Variants in ADAMTS17 observed in about 807,000 individuals in gnomAD.
ADAMTS17 encodes A disintegrin and metalloproteinase with thrombospondin motifs 17.
Under a neutral mutation model 141.5 loss-of-function variants are expected in ADAMTS17, and 113 were observed. The observed-to-expected ratio is 0.80, with a 90% confidence interval of 0.69 to 0.93. ADAMTS17 has a LOEUF of 0.93. Ranked by LOEUF, ADAMTS17 falls within the 40% of genes least tolerant of loss-of-function variation. ADAMTS17 has a pLI of 0.00. For synonymous variants in ADAMTS17, 768 were observed against 630.6 expected (o/e 1.22, Z -3.27); for missense variants, 1,659 against 1,517.9 (o/e 1.09, Z -1.54).
chr15:100,162,510 GTA>G lies in ADAMTS17; in HGVS notation c.1182-7192_1182-7191del, dbSNP rs777577246. On this transcript the variant is annotated intron_variant, in intron 8 of 21. Coordinates refer to ENST00000268070, the MANE Select transcript of ADAMTS17 (RefSeq NM_139057.4). ...ATATGCACATATACACATTATATGT[GTA>G]TATATATGCACATATACACATTATA... Among the ~76,000 whole-genome samples, 94 of 100,386 alleles carry G rather than the reference GTA, an allele frequency of 9.4e-4. 3 individuals are homozygous for G. In the East Asian group the frequency reaches 0.024, roughly 26 times the overall value. 65.9% of individuals were successfully genotyped at this position (100,386 alleles called of 152,430 possible). A position where few individuals can be genotyped will look rare whatever the true frequency, so the allele number is the denominator to read the frequency against.
At chr15:100,057,361 G>T (rs2032668334) in intron 15 of ADAMTS17, among the ~76,000 whole-genome samples, 1 of 152,120 alleles carries the variant, frequency 6.6e-6, no homozygotes, top group Non-Finnish European at 1.5e-5. Context: ...GCTGTGTGCT[G>T]ACCACAGCCA....
intron 8 of ADAMTS17, among the ~76,000 whole-genome samples, chr15:100,182,101 T>TACAA (rs1044400287): frequency 6.6e-6 from 1 of 152,140 alleles, no homozygotes; most frequent in Non-Finnish European, 1.5e-5. Flanking sequence ...TTCACACTGC[T>TACAA]ACAAAGAAAT....
At chr15:100,091,498 C>A (rs1277769732) in intron 15 of ADAMTS17, among the ~76,000 whole-genome samples, 1 of 152,160 alleles carries the variant, frequency 6.6e-6, no homozygotes, top group South Asian at 2.1e-4. Flanking sequence ...GCCCTAAGGA[C>A]CAGCAGTAAG....
chr15:100,036,269 C>T (rs2030702491), intron 18 of ADAMTS17, among the ~76,000 whole-genome samples: 1 of 152,220 alleles, frequency 6.6e-6, no homozygotes, highest in Admixed American at 6.5e-5. Flanking sequence ...GGGCAACGGA[C>T]CACACTGGGC....
chr15:100,116,132 TAAAA>T (rs34003703), intron 13 of ADAMTS17, among the ~76,000 whole-genome samples: 17 of 84,776 alleles, frequency 2.0e-4, no homozygotes, highest in African/African-American at 3.3e-4. Flanking sequence ...CAGTTTTAGG[TAAAA>T]AAAAAAAAAA....
intron 8 of ADAMTS17, among the ~76,000 whole-genome samples, chr15:100,162,531 CATT>C (rs1420877332): frequency 2.5e-3 from 166 of 65,728 alleles, no homozygotes; most frequent in African/African-American, 9.8e-3. Context: ...CACATATACA[CATT>C]ATATGTGTAT....
At chr15:100,116,700 T>G in intron 13 of ADAMTS17, 147 bp downstream of exon 13, 1 of 1,082,086 alleles carries the variant, frequency 9.2e-7, no homozygotes, top group Non-Finnish European at 1.4e-6. Flanking sequence ...ACTTACAAAG[T>G]TGGGCCGCAG....
intron 18 of ADAMTS17, among the ~76,000 whole-genome samples, chr15:100,026,724 A>G (rs1222905966): frequency 6.6e-6 from 1 of 152,144 alleles, no homozygotes; most frequent in African/African-American, 2.4e-5. Flanking sequence ...AGTCCCTATT[A>G]AATGTTTCTT....
chr15:100,328,776 C>T (rs928218568), intron 3 of ADAMTS17, among the ~76,000 whole-genome samples: 5 of 152,276 alleles, frequency 3.3e-5, no homozygotes, highest in South Asian at 2.1e-4. Flanking sequence ...GGATGGAAGG[C>T]GGCCATTAGA....
intron 4 of ADAMTS17, among the ~76,000 whole-genome samples, chr15:100,273,558 G>C (rs7180077): frequency 0.17 from 26,024 of 151,982 alleles, 2,428 homozygotes; most frequent in East Asian, 0.35. Flanking sequence ...GTTTTCATTT[G>C]TGTTATTAGT....
At chr15:100,134,636 C>T (rs988713487) in intron 10 of ADAMTS17, among the ~76,000 whole-genome samples, 7 of 152,244 alleles carry the variant, frequency 4.6e-5, no homozygotes, top group Middle Eastern at 3.4e-3. Context: ...ATAGAAGAGA[C>T]GCACAACTGT....
In ADAMTS17 at chr15:100,341,789, G is replaced by A. The variant is rs189240104; in HGVS notation, c.79+32C>T. The A allele has an allele frequency of 2.2e-3, 3,352 of 1,544,808 alleles. 6 individuals are homozygous for A. The highest frequency in any genetic ancestry group is 2.6e-3 in the Non-Finnish European group (2,952 of 1,144,016). On this transcript the variant is annotated intron_variant, in intron 1 of 21. Coordinates refer to ENST00000268070, the MANE Select transcript of ADAMTS17 (RefSeq NM_139057.4). ...CAGAGGGAAGGTAGCCGCAGGACGC[G>A]GGGTGAAGAGGGCTGTGGGAGGGGG...
chr15:100,279,071 G>A (rs1395078555), intron 4 of ADAMTS17, among the ~76,000 whole-genome samples: 2 of 152,096 alleles, frequency 1.3e-5, no homozygotes, highest in African/African-American at 4.8e-5. Flanking sequence ...TGGGAACGGT[G>A]CATTGGGGGT....
intron 4 of ADAMTS17, among the ~76,000 whole-genome samples, chr15:100,276,004 AGGGT>A (rs2044068638): frequency 4.7e-5 from 1 of 21,114 alleles, no homozygotes. Context: ...CCTAAGTGGG[AGGGT>A]GGGAGGGAGT....
At chr15:100,286,127 C>T (rs1211944695) in intron 3 of ADAMTS17, among the ~76,000 whole-genome samples, 2 of 152,178 alleles carry the variant, frequency 1.3e-5, no homozygotes, top group Non-Finnish European at 2.9e-5. Context: ...CACAAGCAGC[C>T]TCTCCCACCA....
At chr15:100,263,081 C>T (rs1206611140) in intron 4 of ADAMTS17, among the ~76,000 whole-genome samples, 1 of 152,032 alleles carries the variant, frequency 6.6e-6, no homozygotes, top group Admixed American at 6.6e-5. Context: ...ACCACGCATA[C>T]GAAAGGTGGT....
chr15:100,185,616 C>G (rs111858641), intron 8 of ADAMTS17, among the ~76,000 whole-genome samples: 1,937 of 152,268 alleles, frequency 0.013, 44 homozygotes, highest in African/African-American at 0.043. Context: ...TGTTAAGAAC[C>G]CTCTTCCACT....
Position 100,261,760 on chromosome 15 carries a change from G to T in ADAMTS17, c.874-124C>A, listed in dbSNP as rs6598316. On this transcript the variant is annotated intron_variant, in intron 5 of 21. Transcript: ENST00000268070. Reference sequence around the variant, plus strand: ...ACTGAGACATCATTTGATGACTCACGGCCCTCGAAGAAAAGCCTGATGCTA... The same window carrying T: ...ACTGAGACATCATTTGATGACTCACTGCCCTCGAAGAAAAGCCTGATGCTA... The T allele has an allele frequency of 0.67, 727,197 of 1,082,692 alleles. 245,569 individuals are homozygous for T. The highest frequency in any genetic ancestry group is 0.72 in the South Asian group (53,523 of 73,910). The allele number at this position is 1,082,692 out of a possible 1,614,324, so 67.1% of individuals were successfully genotyped here.
chr15:99,985,109 C>T (rs576407801), intron 20 of ADAMTS17, among the ~76,000 whole-genome samples: 27 of 152,392 alleles, frequency 1.8e-4, no homozygotes, highest in African/African-American at 6.3e-4. Context: ...TCGGACTTCT[C>T]TCTGTAAAGC....
Sources: gnomAD v4.1 joint callset for allele counts (sites outside exome capture counted in the v4.1 genomes callset) on GRCh38, gnomAD v4.1.1 for gene constraint, MANE v1.5 for transcripts, NCBI Gene and HGNC (gene_info 2026-07-23, HGNC 2026-07-21) for gene names.